THPO: variants seen among roughly 807,000 people sequenced by gnomAD.
THPO encodes the protein MPL ligand.
A neutral mutation model predicts 17.0 loss-of-function variants in THPO; 12 were observed. The ratio of observed to expected loss-of-function variants is 0.71; its 90% confidence interval spans 0.45 to 1.14. The LOEUF (loss-of-function observed/expected upper bound fraction) is 1.14, where lower values mean the gene tolerates loss of function less well. THPO is among the 50% of genes most tolerant of loss of function. The pLI is 0.00. For missense variants in THPO, 365 were observed against 427.5 expected (o/e 0.85, Z 1.29); for synonymous variants, 188 against 183.0 (o/e 1.03, Z -0.22).
intron 5 of THPO, 78 bp downstream of exon 5, chr3:184,373,337 C>G (rs764688825): frequency 1.3e-6 from 2 of 1,584,700 alleles, no homozygotes; most frequent in East Asian, 4.5e-5. Flanking sequence ...CCTGGAAGAG[C>G]CCTTCTTCCC....
At position 184,372,227 on chromosome 3, in the gene THPO, C is replaced by A; in HGVS notation, c.*286G>T. ...AGCCCAGGCCTTTGCAGAGTTATCA[C>A]AGAAAAAGAGCATGTAGAGAATCAG... On this transcript the variant is annotated 3_prime_UTR_variant, in exon 6 of 6. Transcript: ENST00000647395. 1 of 413,282 alleles carries A rather than the reference C, an allele frequency of 2.4e-6. No individual in the cohort carries two copies. 25.6% of individuals were successfully genotyped at this position (413,282 alleles called of 1,614,324 possible).
chr3:184,372,641 T>A lies in THPO; in HGVS notation c.934A>T (p.Thr312Ser). 1 of 1,612,008 alleles carries A rather than the reference T, an allele frequency of 6.2e-7. No individual in the cohort carries two copies. The highest frequency in any genetic ancestry group is 8.5e-7 in the Non-Finnish European group (1 of 1,178,960). ...AGCTGGACCACAGGGGTGGGCAAGGTGGGTGGAAGAGGGAAGAGCGTATAC... is the reference window on the plus strand; with the variant it reads ...AGCTGGACCACAGGGGTGGGCAAGGAGGGTGGAAGAGGGAAGAGCGTATAC... ...GQYTLFPLPP[T>S]LPTPVVQLHP... The change falls in exon 6 of 6, where the codon ACC (threonine) becomes TCC (serine). Residue 312 changes from threonine (T) to serine (S), a missense_variant. Physicochemically the swap from Thr to Ser is moderately conservative, Grantham distance 58. Transcript: ENST00000647395.
rs190573409 is a variant in THPO at position 184,377,345 on chromosome 3, T to C, written c.-146+730A>G. Among the ~76,000 whole-genome samples the C allele has an allele frequency of 2.0e-5, 3 of 152,332 alleles. No individual in the cohort carries two copies. In the South Asian group the frequency reaches 6.2e-4, roughly 32 times the overall value. The stretch of plus-strand genomic sequence containing the variant: ...CTCCAAGTCCTGAAATACTCCATTA[T>C]CTGAGGCCAAGAGATGGGCTAACAG... On this transcript the variant is annotated intron_variant, in intron 1 of 5. Transcript: ENST00000647395.
chr3:184,375,739 C>T lies in THPO; in HGVS notation c.142-138G>A, dbSNP rs2280740. 138,259 of 1,480,742 alleles carry T rather than the reference C, an allele frequency of 0.093. 6,955 individuals carry two copies. The highest frequency in any genetic ancestry group is 0.15 in the East Asian group (6,626 of 44,068). 91.7% of individuals were successfully genotyped at this position (1,480,742 alleles called of 1,614,324 possible). A position where few individuals can be genotyped will look rare whatever the true frequency, so the allele number is the denominator to read the frequency against. The stretch of plus-strand genomic sequence containing the variant: ...TGCGGGCTGTATTGTGAAGAATAAT[C>T]CTTGTCAGAGAGTGTGATCAGTAGG... On this transcript the variant is annotated intron_variant, in intron 3 of 5. Coordinates refer to ENST00000647395, the MANE Select transcript of THPO (RefSeq NM_000460.4).
At chr3:184,373,267 C>G (rs1157210381) in intron 5 of THPO, 89 bp from the exon 6 acceptor site, 2 of 1,576,942 alleles carry the variant, frequency 1.3e-6, no homozygotes, top group Non-Finnish European at 1.7e-6. Context: ...ATGCCAGTAC[C>G]CAGGCATTGT....
intron 2 of THPO, 100 bp downstream of exon 2, chr3:184,376,147 A>C: frequency 6.2e-7 from 1 of 1,612,682 alleles, no homozygotes; most frequent in East Asian, 2.2e-5. Context: ...TTTTGGGAGA[A>C]TGGGTTCCCC....
At chr3:184,378,958 G>T, upstream of THPO, 1 of 720,302 alleles carries the variant, frequency 1.4e-6, no homozygotes, top group Non-Finnish European at 1.7e-6. Flanking sequence ...CTCCCTGCTG[G>T]CCCCCCTTTT....
At chr3:184,376,553 G>T in intron 1 of THPO, 149 bp from the exon 2 acceptor site, 1 of 951,090 alleles carries the variant, frequency 1.1e-6, no homozygotes, top group Non-Finnish European at 1.5e-6. Flanking sequence ...TGTGATGAAA[G>T]CATATGGTGT....
Position 184,372,619 on chromosome 3 carries a change from T to A in THPO, c.956A>T (p.Gln319Leu). Residue 319 changes from glutamine to leucine, a missense_variant, in exon 6 of 6, where the codon CAG becomes CTG. Transcript: ENST00000647395. ...LPPTLPTPVVQLHPLLPDPSA... is the reference protein window; with the variant it reads ...LPPTLPTPVVLLHPLLPDPSA... ...AGGGTCAGGAAGCAGGGGGTGGAGC[T>A]GGACCACAGGGGTGGGCAAGGTGGG... is the stretch of plus-strand genomic sequence containing the variant. The A allele has an allele frequency of 6.2e-7, 1 of 1,613,052 alleles. No homozygotes were observed. Among genetic ancestry groups the A allele is most frequent in the Non-Finnish European group, 8.5e-7 (1 of 1,179,614 alleles).
In THPO at chr3:184,372,528, C is replaced by T. The variant is rs750380468; in HGVS notation, c.1047G>A (p.Leu349=). The T allele has an allele frequency of 6.2e-7, 1 of 1,613,798 alleles. No individual in the cohort carries two copies. Among genetic ancestry groups the T allele is most frequent in the African/African-American group, 1.3e-5 (1 of 74,826 alleles). ...LNTSYTHSQN[L]SQEG is the part of the protein sequence containing the mutation. ...TCTGAGAACCTTACCCTTCCTGAGA[C>T]AGATTCTGGGAGTGGGTGTAGGATG... Residue 349 remains leucine, a synonymous_variant, in exon 6 of 6, where the codon CTG becomes CTA. Transcript: ENST00000647395.
Position 184,376,208 on chromosome 3 carries a change from T to C in THPO, c.13+39A>G, listed in dbSNP as rs201671688. On this transcript the variant is annotated intron_variant, in intron 2 of 5. Coordinates refer to ENST00000647395, the MANE Select transcript of THPO (RefSeq NM_000460.4). ...CTCCTTTCTCTCTCCCCTTCTGTCA[T>C]GTTTCCATATGGCCCTAGCCCCTCA... is the stretch of plus-strand genomic sequence containing the variant. 641 of 1,614,012 alleles carry C rather than the reference T, an allele frequency of 4.0e-4. 3 individuals carry two copies. The highest frequency in any genetic ancestry group is 1.3e-3 in the Admixed American group (76 of 60,020).
chr3:184,375,469 T>C, intron 4 of THPO, 46 bp downstream of exon 4: 1 of 1,581,974 alleles, frequency 6.3e-7, no homozygotes. Context: ...AGTGGGAAAC[T>C]GAAGACAGGA....
chr3:184,378,632 T>G (rs529847945), upstream of THPO, among the ~76,000 whole-genome samples: 59 of 152,350 alleles, frequency 3.9e-4, 1 homozygote, highest in African/African-American at 1.4e-3. Flanking sequence ...ACACGGATAT[T>G]GCCCACATGA....
chr3:184,377,423 TG>T (rs1309940814), intron 1 of THPO, among the ~76,000 whole-genome samples: 1 of 152,176 alleles, frequency 6.6e-6, no homozygotes, highest in East Asian at 1.9e-4. Flanking sequence ...ACCTGCTGGG[TG>T]ATGCCCACCT....
At position 184,372,790 on chromosome 3, in the gene THPO, G is replaced by T; in HGVS notation, c.785C>A (p.Pro262His). Residue 262 changes from proline (P) to histidine (H), a missense_variant, in exon 6 of 6, where the codon CCT (proline) becomes CAT (histidine). Pro to His is a moderately conservative substitution (Grantham distance 77). Transcript: ENST00000647395. ...ELLNGTRGLF[P>H]GPSRRTLGAP... The stretch of plus-strand genomic sequence containing the variant: ...TCCTAGGGTCCTGCGTGAGGGTCCA[G>T]GAAAGAGTCCACGAGTTCCATTCAA... The T allele has an allele frequency of 1.2e-6, 2 of 1,614,180 alleles. No individual in the cohort carries two copies. The highest frequency in any genetic ancestry group is 1.7e-6 in the Non-Finnish European group (2 of 1,180,026).
chr3:184,373,487 T>G lies in THPO; in HGVS notation c.324A>C (p.Ser108=), dbSNP rs778384131. The G allele has an allele frequency of 4.3e-6, 7 of 1,614,136 alleles. No homozygotes were observed. The South Asian group carries it at 6.6e-5, about 15-fold the overall frequency. ...ARGQLGPTCL[S]SLLGQLSGQV... ...GTCCAGAAAGCTGCCCCAGGAGGGA[T>G]GAGAGGCAAGTGGGTCCCAGTTGTC... is the stretch of plus-strand genomic sequence containing the variant. The change falls in exon 5 of 6, where the codon TCA becomes TCC. Residue 108 remains serine (S), a synonymous_variant. Transcript: ENST00000647395.
chr3:184,375,770 A>G, intron 3 of THPO, 118 bp downstream of exon 3: 2 of 1,534,050 alleles, frequency 1.3e-6, no homozygotes, highest in Non-Finnish European at 1.8e-6. Context: ...GTAGGTGGGG[A>G]CAATATGGGA....
chr3:184,378,676 G>T, upstream of THPO: 1 of 509,862 alleles, frequency 2.0e-6, no homozygotes, highest in Non-Finnish European at 2.5e-6. Context: ...GTGTTATGGG[G>T]AAAGGGTTTG....
chr3:184,373,497 G>C lies in THPO; in HGVS notation c.314C>G (p.Thr105Ser). 6.2e-7 allele frequency: 1 copy of C among 1,614,200 alleles called. No individual in the cohort carries two copies. The part of the protein sequence containing the change: ...VMAARGQLGP[T>S]CLSSLLGQLS... ...CTGCCCCAGGAGGGATGAGAGGCAA[G>C]TGGGTCCCAGTTGTCCCCGTGCTGC... The change falls in exon 5 of 6, where the codon ACT becomes AGT. Residue 105 changes from threonine (T) to serine (S), a missense_variant. Coordinates refer to ENST00000647395, the MANE Select transcript of THPO (RefSeq NM_000460.4).
Sources: gnomAD v4.1 joint callset for allele counts (sites outside exome capture counted in the v4.1 genomes callset) on GRCh38, gnomAD v4.1.1 for gene constraint, MANE v1.5 for transcripts, NCBI Gene and HGNC (gene_info 2026-07-23, HGNC 2026-07-21) for gene names.